The following RIPK1 variants were observed in gnomAD, a reference collection of about 807,000 sequenced individuals.
RIPK1 encodes receptor interacting serine/threonine kinase 1.
RIPK1 carries 27 observed loss-of-function variants against 62.4 expected under a neutral mutation model. The observed-to-expected ratio is 0.43, with a 90% CI of 0.32 to 0.60. The LOEUF (loss-of-function observed/expected upper bound fraction) is 0.60. RIPK1 is among the 20% of genes least tolerant of loss of function. RIPK1 has a pLI of 0.07. For synonymous variants in RIPK1, 287 were observed against 303.2 expected (o/e 0.95, Z 0.55); for missense variants, 735 against 831.0 (o/e 0.88, Z 1.42).
intron 9 of RIPK1, 68 bp downstream of exon 9, chr6:3,106,119 G>A: frequency 8.4e-7 from 1 of 1,184,278 alleles, no homozygotes; most frequent in Non-Finnish European, 1.2e-6. Context: ...CAACCAAGCA[G>A]CTCTATTATA....
chr6:3,078,004 G>A, intron 3 of RIPK1, 69 bp downstream of exon 3: 2 of 1,509,114 alleles, frequency 1.3e-6, no homozygotes, highest in African/African-American at 2.8e-5. Flanking sequence ...GGCTCCCCTT[G>A]GGGTGTTTGT....
chr6:3,110,690 C>A, intron 9 of RIPK1, 113 bp from the exon 10 acceptor site: 1 of 611,776 alleles, frequency 1.6e-6, no homozygotes, highest in Non-Finnish European at 2.7e-6. Context: ...TAAAGGGTGG[C>A]ATAGGATAAT....
At chr6:3,085,051 C>T (rs192956493) in intron 5 of RIPK1, among the ~76,000 whole-genome samples, 5 of 152,274 alleles carry the variant, frequency 3.3e-5, no homozygotes, top group East Asian at 1.9e-4. Flanking sequence ...GCAGCTTTGT[C>T]GAGAATTTTG....
chr6:3,076,976 C>T lies in RIPK1; in HGVS notation c.153C>T (p.Pro51=). ...TCATGAAAACAGTGTACAAGGGGCC[C>T]AACTGCATTGAGTGAGTAGGGAGCA... ...LMIMKTVYKG[P]NCIEHNEALL... The change falls in exon 2 of 11, where the codon CCC becomes CCT. Residue 51 remains proline (P), a synonymous_variant. Transcript: ENST00000259808. 6.9e-7 allele frequency: 1 copy of T among 1,449,154 alleles called. No homozygotes were observed. The highest frequency in any genetic ancestry group is 9.4e-7 in the Non-Finnish European group (1 of 1,059,050). The allele number at this position is 1,449,154 out of a possible 1,614,324, so 89.8% of individuals were successfully genotyped here.
intron 6 of RIPK1, 52 bp from the exon 7 acceptor site, chr6:3,089,524 TTTTTA>T: frequency 4.5e-6 from 4 of 882,102 alleles, no homozygotes; most frequent in South Asian, 2.9e-5. Context: ...ATGGCTAATA[TTTTTA>T]TTTTATGTTA....
At chr6:3,080,058 A>G (rs1759297390) in intron 3 of RIPK1, among the ~76,000 whole-genome samples, 2 of 152,248 alleles carry the variant, frequency 1.3e-5, no homozygotes, top group South Asian at 2.1e-4. Context: ...GTCCAAAGGT[A>G]TACCAAGGAA....
chr6:3,087,464 C>T (rs1759762209), intron 6 of RIPK1, among the ~76,000 whole-genome samples: 3 of 149,954 alleles, frequency 2.0e-5, no homozygotes, highest in Admixed American at 2.0e-4. Context: ...AATTTTCTCT[C>T]TCTTATTCAG....
At position 3,072,544 on chromosome 6, in the gene RIPK1, T is replaced by C. The variant is rs1362840116; in HGVS notation, c.-61+3883T>C. Among the ~76,000 whole-genome samples the C allele has an allele frequency of 6.6e-6, 1 of 152,158 alleles. No homozygotes were observed. Among genetic ancestry groups the C allele is most frequent in the African/African-American group, 2.4e-5 (1 of 41,450 alleles). The stretch of plus-strand genomic sequence containing the variant: ...ATTTTTATTTTTTTGGACAATTAAA[T>C]AGTTCTCTTTTTAAAATAGTTATTC... On this transcript the variant is annotated intron_variant, in intron 1 of 10. Transcript: ENST00000259808. This position sits in a 1 kb window ranked among gnomAD's most constrained non-coding sequence, Gnocchi z 5.6.
intron 2 of RIPK1, among the ~76,000 whole-genome samples, chr6:3,077,242 A>G (rs1027786387): frequency 6.6e-6 from 1 of 152,122 alleles, no homozygotes; most frequent in Non-Finnish European, 1.5e-5. Context: ...AGACAAAGAG[A>G]TAAGTGTGGT....
rs549348298 is a variant in RIPK1, at chr6:3,073,589, T to C, written c.-60-3175T>C. Among the ~76,000 whole-genome samples, 90 of 152,168 alleles carry C rather than the reference T, an allele frequency of 5.9e-4. 1 individual carries two copies. Among genetic ancestry groups the C allele is most frequent in the Middle Eastern group, 3.4e-3 (1 of 294 alleles). On this transcript the variant is annotated intron_variant, in intron 1 of 10. Coordinates refer to ENST00000259808, the MANE Select transcript of RIPK1 (RefSeq NM_001354930.2). ...ACCCACTGCCCACGTCCCACCGATGTAGTTGTTTCCTGAGGCACTTCTCTT... is the reference window on the plus strand; with the variant it reads ...ACCCACTGCCCACGTCCCACCGATGCAGTTGTTTCCTGAGGCACTTCTCTT...
At chr6:3,102,178 CCCAAAAT>C (rs1026632819) in intron 7 of RIPK1, among the ~76,000 whole-genome samples, 3 of 152,172 alleles carry the variant, frequency 2.0e-5, no homozygotes, top group African/African-American at 4.8e-5. Flanking sequence ...CATCCCTAAA[CCCAAAAT>C]CCAAAATTCA....
At position 3,106,037 on chromosome 6, in the gene RIPK1, C is replaced by T. The variant is rs1760835482; in HGVS notation, c.1562C>T (p.Ser521Phe). 2 of 1,603,616 alleles carry T rather than the reference C, an allele frequency of 1.2e-6. No individual in the cohort carries two copies. The highest frequency in any genetic ancestry group is 1.7e-6 in the Non-Finnish European group (2 of 1,172,624). ...AATACACCCACCATGCCATTCAGCTCCTTGCCACCAACAGGTAAATGGGTC... is the reference window on the plus strand; with the variant it reads ...AATACACCCACCATGCCATTCAGCTTCTTGCCACCAACAGGTAAATGGGTC... The part of the protein sequence containing the change: ...LGNTPTMPFS[S>F]LPPTDESIKY... Residue 521 changes from serine (S) to phenylalanine (F), a missense_variant, in exon 9 of 11, where the codon TCC (serine) becomes TTC (phenylalanine). Ser to Phe is a radical substitution (Grantham distance 155). Coordinates refer to ENST00000259808, the MANE Select transcript of RIPK1 (RefSeq NM_001354930.2).
chr6:3,106,915 T>G (rs1052157285), intron 9 of RIPK1, among the ~76,000 whole-genome samples: 1 of 152,218 alleles, frequency 6.6e-6, no homozygotes, highest in Non-Finnish European at 1.5e-5. Context: ...TATTGCCATA[T>G]CATTTTATTC....
At chr6:3,103,304 A>AT (rs111791190) in intron 7 of RIPK1, among the ~76,000 whole-genome samples, 14,875 of 140,950 alleles carry the variant, frequency 0.11, 1,687 homozygotes, top group African/African-American at 0.3. Context: ...TTATTTATTT[A>AT]TTTTTTTTTT....
At chr6:3,077,161 A>C (rs188433617) in intron 2 of RIPK1, among the ~76,000 whole-genome samples, 174 bp downstream of exon 2, 34 of 152,204 alleles carry the variant, frequency 2.2e-4, no homozygotes, top group African/African-American at 7.9e-4. Flanking sequence ...GTGGACTCTG[A>C]GACTGGGTAG....
upstream of RIPK1, among the ~76,000 whole-genome samples, chr6:3,064,518 T>A (rs1758292055): frequency 6.6e-6 from 1 of 151,956 alleles, no homozygotes; most frequent in Non-Finnish European, 1.5e-5. Context: ...GGCCCTTCCT[T>A]CCCCGGAGCA....
At chr6:3,108,054 A>G (rs7765221) in intron 9 of RIPK1, among the ~76,000 whole-genome samples, 142,406 of 151,614 alleles carry the variant, frequency 0.94, 66,956 homozygotes, top group African/African-American at 0.98. Context: ...ATACCAAAAT[A>G]TGAGTTTTCT....
intron 5 of RIPK1, 28 bp downstream of exon 5, chr6:3,083,341 G>C (rs755072184): frequency 7.0e-6 from 11 of 1,569,936 alleles, no homozygotes; most frequent in Non-Finnish European, 9.5e-6. Flanking sequence ...TTCCACTGCC[G>C]TCCCCTCAGC....
intron 3 of RIPK1, among the ~76,000 whole-genome samples, chr6:3,079,822 T>G (rs193087519): frequency 6.6e-6 from 1 of 152,170 alleles, no homozygotes; most frequent in African/African-American, 2.4e-5. Flanking sequence ...AACATTTTGA[T>G]TGGGAAATAA....
Sources: gnomAD v4.1 joint callset for allele counts (sites outside exome capture counted in the v4.1 genomes callset) on GRCh38, gnomAD v4.1.1 for gene constraint, Gnocchi (gnomAD v3.1) non-coding constraint, MANE v1.5 for transcripts, NCBI Gene and HGNC (gene_info 2026-07-23, HGNC 2026-07-21) for gene names.